NDST4: variants seen among roughly 807,000 people sequenced by gnomAD.
The protein encoded by NDST4 is N-deacetylase and N-sulfotransferase 4.
In NDST4, 63 loss-of-function variants were observed where a neutral mutation model predicts 100.8. The observed-to-expected ratio is 0.62, with a 90% CI of 0.51 to 0.77. The LOEUF (loss-of-function observed/expected upper bound fraction) is 0.77. Ranked by LOEUF, NDST4 falls within the 30% of genes least tolerant of loss-of-function variation. The probability of loss-of-function intolerance (pLI) is 0.00; values close to 1 mark genes in which losing one functional copy is unlikely to be tolerated. For missense variants in NDST4, 943 were observed against 1,018.4 expected (o/e 0.93, Z 1.01); for synonymous variants, 377 against 361.8 (o/e 1.04, Z -0.48).
In NDST4 at chr4:115,076,356, A is replaced by C; in HGVS notation, c.681T>G (p.His227Gln). 6.2e-7 allele frequency: 1 copy of C among 1,613,994 alleles called. No homozygotes were observed. Among genetic ancestry groups the C allele is most frequent in the South Asian group, 1.1e-5 (1 of 91,084 alleles). ...TTAAAAGTACAGGCTGGTAGGTTGAATGATTATATTGGAAAATAGTCCAGT... is the reference window on the plus strand; with the variant it reads ...TTAAAAGTACAGGCTGGTAGGTTGACTGATTATATTGGAAAATAGTCCAGT... The part of the protein sequence containing the change: ...GEDWTIFQYN[H>Q]STYQPVLLTE... The change falls in exon 2 of 14, where the codon CAT becomes CAG. Residue 227 changes from histidine to glutamine, a missense_variant. Around this residue, in one of 2 missense-constraint regions of NDST4, gnomAD observed 417 missense variants for 384.2 expected, o/e 1.09. Transcript: ENST00000264363.
At chr4:114,990,541 C>G (rs1727014652) in intron 2 of NDST4, among the ~76,000 whole-genome samples, 1 of 152,002 alleles carries the variant, frequency 6.6e-6, no homozygotes, top group South Asian at 2.1e-4. Context: ...CTTGGGCCAG[C>G]AGTGAGATAA....
chr4:114,874,972 T>A (rs1724227823), intron 6 of NDST4, among the ~76,000 whole-genome samples: 1 of 152,124 alleles, frequency 6.6e-6, no homozygotes, highest in Non-Finnish European at 1.5e-5. Flanking sequence ...TAAAAATGGT[T>A]TATATATACA....
chr4:115,024,844 G>T (rs1727945768), intron 2 of NDST4, among the ~76,000 whole-genome samples: 1 of 152,200 alleles, frequency 6.6e-6, no homozygotes, highest in South Asian at 2.1e-4. Flanking sequence ...ATGAAATTAA[G>T]AGGCAGAACT....
chr4:115,105,588 C>T (rs1489425912), intron 1 of NDST4, among the ~76,000 whole-genome samples: 1 of 152,100 alleles, frequency 6.6e-6, no homozygotes, highest in African/African-American at 2.4e-5. Context: ...TTTGTCCATA[C>T]TTCTTATAGT....
intron 7 of NDST4, among the ~76,000 whole-genome samples, chr4:114,866,040 C>T (rs1431287444): frequency 6.6e-6 from 1 of 152,168 alleles, no homozygotes; most frequent in Non-Finnish European, 1.5e-5. Context: ...TGTCCTCTCT[C>T]ATCTGTGATA....
chr4:114,945,399 G>T (rs1487334498), intron 4 of NDST4, among the ~76,000 whole-genome samples: 1 of 151,918 alleles, frequency 6.6e-6, no homozygotes, highest in Admixed American at 6.6e-5. Flanking sequence ...CCCTATGTTT[G>T]CACTCCAGGA....
chr4:114,828,096 G>T (rs1723120411), intron 13 of NDST4, among the ~76,000 whole-genome samples, 161 bp from the exon 14 acceptor site: 2 of 151,880 alleles, frequency 1.3e-5, no homozygotes, highest in Admixed American at 1.3e-4. Context: ...TTTACCTTTT[G>T]AAAATATTTG....
In NDST4 at chr4:114,848,275, G is replaced by A; in HGVS notation, c.1880C>T (p.Pro627Leu). The change falls in exon 9 of 14, where the codon CCA becomes CTA. Residue 627 changes from proline to leucine, a missense_variant. By Grantham distance (98) the Pro-to-Leu change is moderately conservative (BLOSUM62 -3). Transcript: ENST00000264363. ...GAACTGAACTTCCTCAAATGTCTTT[G>A]GACTAGGGAGATTGCTGATGATTGA... is the stretch of plus-strand genomic sequence containing the variant. Reference protein sequence around the residue: ...HPSIISNLPSPKTFEEVQFFN... With the variant: ...HPSIISNLPSLKTFEEVQFFN... 1.2e-6 allele frequency: 2 copies of A among 1,609,730 alleles called. No individual in the cohort carries two copies. The highest frequency in any genetic ancestry group is 1.1e-5 in the South Asian group (1 of 90,606).
At chr4:115,037,246 A>G (rs749168599) in intron 2 of NDST4, among the ~76,000 whole-genome samples, 1 of 152,160 alleles carries the variant, frequency 6.6e-6, no homozygotes, top group South Asian at 2.1e-4. Context: ...CAGTGACCCA[A>G]GAAAACAGAG....
chr4:114,963,966 T>A (rs1726323566), intron 4 of NDST4, among the ~76,000 whole-genome samples: 1 of 152,188 alleles, frequency 6.6e-6, no homozygotes, highest in African/African-American at 2.4e-5. Context: ...TTATGTTCCC[T>A]CTTTTTGAGC....
intron 6 of NDST4, among the ~76,000 whole-genome samples, chr4:114,917,108 A>G (rs1725190064): frequency 6.6e-6 from 1 of 152,128 alleles, no homozygotes; most frequent in Non-Finnish European, 1.5e-5. Flanking sequence ...CATATAACCT[A>G]TGCATATCCT....
At chr4:114,939,875 T>C (rs1438814649) in intron 4 of NDST4, among the ~76,000 whole-genome samples, 1 of 152,172 alleles carries the variant, frequency 6.6e-6, no homozygotes, top group African/African-American at 2.4e-5. Flanking sequence ...GCTTTTTCAA[T>C]CTAAATGACA....
At chr4:115,086,493 C>T (rs1233586573) in intron 1 of NDST4, among the ~76,000 whole-genome samples, 2 of 151,766 alleles carry the variant, frequency 1.3e-5, no homozygotes, top group South Asian at 2.1e-4. Context: ...ATTTTAGTCC[C>T]CAAAGTGTGC....
At chr4:115,071,068 A>G (rs1560588956) in intron 2 of NDST4, among the ~76,000 whole-genome samples, 2 of 152,054 alleles carry the variant, frequency 1.3e-5, no homozygotes, top group Non-Finnish European at 1.5e-5. Flanking sequence ...TTGTGCCACT[A>G]TACTCCAGCC....
intron 2 of NDST4, among the ~76,000 whole-genome samples, chr4:115,067,783 G>A (rs2126286127): frequency 6.6e-6 from 1 of 151,220 alleles, no homozygotes; most frequent in East Asian, 1.9e-4. Flanking sequence ...TAGGGTACAT[G>A]TGCACAACGT....
chr4:114,974,708 C>T (rs959636577), intron 3 of NDST4, among the ~76,000 whole-genome samples: 2 of 152,196 alleles, frequency 1.3e-5, no homozygotes, highest in East Asian at 1.9e-4. Flanking sequence ...TTCAGTTTGG[C>T]ACCTGTGGGT....
intron 2 of NDST4, among the ~76,000 whole-genome samples, chr4:115,068,342 C>T (rs511357): frequency 0.24 from 36,801 of 151,854 alleles, 5,986 homozygotes; most frequent in East Asian, 0.45. Context: ...GGTTCATATC[C>T]ATTGAAAACA....
At chr4:115,068,058 A>C (rs1363252000) in intron 2 of NDST4, among the ~76,000 whole-genome samples, 2 of 152,014 alleles carry the variant, frequency 1.3e-5, no homozygotes, top group East Asian at 3.9e-4. Context: ...CCATGTCCCT[A>C]CAAAGAGAAG....
rs567170025 is a variant in NDST4, at chr4:114,992,559, T to C, written c.979-15285A>G. On this transcript the variant is annotated intron_variant, in intron 2 of 13. Transcript: ENST00000264363. ...CTTATAGGAAGGTTTTTTTTTTTTT[T>C]CAATAAATAAAGTTGACCTTTTGTT... Among the ~76,000 whole-genome samples the C allele has an allele frequency of 6.6e-5, 10 of 151,332 alleles. No individual in the cohort carries two copies. The South Asian group carries it at 1.9e-3, about 28-fold the overall frequency.
Sources: allele counts gnomAD v4.1 joint callset (sites outside exome capture counted in the v4.1 genomes callset), GRCh38; gene constraint gnomAD v4.1.1; regional missense constraint gnomAD v4.1.1; transcripts MANE v1.5; gene names NCBI Gene and HGNC (gene_info 2026-07-23, HGNC 2026-07-21).